NMNAT3: variants seen among roughly 807,000 people sequenced by gnomAD.
NMNAT3 encodes nicotinamide nucleotide adenylyltransferase 3.
NMNAT3 carries 21 observed loss-of-function variants against 24.8 expected under a neutral mutation model. The observed-to-expected ratio is 0.85, with a 90% CI of 0.60 to 1.22. NMNAT3 has a LOEUF of 1.22. Among genes scored for constraint, NMNAT3 ranks in the 50% most tolerant of loss-of-function variants. The probability of loss-of-function intolerance (pLI) is 0.00; values close to 1 mark genes in which losing one functional copy is unlikely to be tolerated. For missense variants in NMNAT3, 387 were observed against 436.6 expected (o/e 0.89, Z 1.01); for synonymous variants, 136 against 155.2 (o/e 0.88, Z 0.92).
intron 1 of NMNAT3, among the ~76,000 whole-genome samples, chr3:139,668,613 T>C (rs535815955): frequency 6.6e-6 from 1 of 152,324 alleles, no homozygotes; most frequent in Admixed American, 6.5e-5. Flanking sequence ...TAAAAAATGT[T>C]TTTTGGAAGG....
intron 3 of NMNAT3, among the ~76,000 whole-genome samples, chr3:139,614,982 T>C (rs944718991): frequency 5.9e-5 from 9 of 152,222 alleles, no homozygotes; most frequent in African/African-American, 2.2e-4. Flanking sequence ...GCCTTCCCCT[T>C]TTTTGCATTT....
At chr3:139,584,272 C>T (rs539619634) in intron 3 of NMNAT3, 61 of 154,970 alleles carry the variant, frequency 3.9e-4, no homozygotes, top group African/African-American at 1.9e-4. Flanking sequence ...GACTGAAGAC[C>T]GGTCCTCCTC....
intron 3 of NMNAT3, among the ~76,000 whole-genome samples, chr3:139,589,751 C>T (rs556948827): frequency 1.3e-5 from 2 of 152,270 alleles, no homozygotes; most frequent in South Asian, 4.1e-4. Flanking sequence ...TCCCATAGCT[C>T]ACAACATGAA....
chr3:139,651,024 T>G (rs1000603301), intron 1 of NMNAT3, among the ~76,000 whole-genome samples: 5 of 152,218 alleles, frequency 3.3e-5, no homozygotes, highest in African/African-American at 1.2e-4. Context: ...CTTTGATACC[T>G]CAGAAGTGAT....
intron 3 of NMNAT3, among the ~76,000 whole-genome samples, chr3:139,621,058 C>T (rs79296892): frequency 0.022 from 3,276 of 152,236 alleles, 109 homozygotes; most frequent in African/African-American, 0.072. Context: ...GTTGAGATTA[C>T]AGGCATGAGC....
At chr3:139,622,810 T>TGATATATATGATATATATAA (rs2055857571) in intron 3 of NMNAT3, among the ~76,000 whole-genome samples, 1 of 141,180 alleles carries the variant, frequency 7.1e-6, no homozygotes, top group Non-Finnish European at 1.5e-5. Flanking sequence ...GATATATATA[T>TGATATATATGATATATATAA]AAAATGTATA....
In NMNAT3 at chr3:139,646,392, GT is replaced by G. The variant is rs574394943; in HGVS notation, c.-140-8331del. On this transcript the variant is annotated intron_variant, in intron 1 of 6. Coordinates refer to ENST00000643695, the MANE Select transcript of NMNAT3 (RefSeq NM_001320510.2). Reference sequence around the variant, plus strand: ...AAACTTTAGCCATTCACATTCAATAGTTTTTTATAAGACAGTCTGTGGCAGA... The same window carrying G: ...AAACTTTAGCCATTCACATTCAATAGTTTTTATAAGACAGTCTGTGGCAGA... Among the ~76,000 whole-genome samples the G allele has an allele frequency of 2.3e-3, 346 of 152,284 alleles. 2 individuals are homozygous for G. The highest frequency in any genetic ancestry group is 8.0e-3 in the African/African-American group (332 of 41,572).
intron 3 of NMNAT3, among the ~76,000 whole-genome samples, chr3:139,601,334 A>G (rs1263055385): frequency 6.6e-6 from 1 of 152,160 alleles, no homozygotes; most frequent in Non-Finnish European, 1.5e-5. Flanking sequence ...GCTACTTATG[A>G]GCTGTGTGAC....
intron 3 of NMNAT3, among the ~76,000 whole-genome samples, chr3:139,596,190 C>T (rs1050859798): frequency 1.3e-5 from 2 of 152,040 alleles, no homozygotes; most frequent in Non-Finnish European, 2.9e-5. Flanking sequence ...GCTGGGTGGC[C>T]CTGTCAGAGC....
intron 3 of NMNAT3, among the ~76,000 whole-genome samples, chr3:139,619,272 CAT>C (rs1369053083): frequency 1.3e-5 from 2 of 152,140 alleles, no homozygotes; most frequent in African/African-American, 4.8e-5. Flanking sequence ...ACAACACTAA[CAT>C]AGGTAGAAGA....
At chr3:139,570,416 A>G (rs903240137) in intron 6 of NMNAT3, 3 of 152,148 alleles carry the variant, frequency 2.0e-5, no homozygotes, top group Admixed American at 1.3e-4. Flanking sequence ...GAGGAGAGGC[A>G]CTCTGATTTT....
At chr3:139,566,238 G>C (rs1937184265) in intron 6 of NMNAT3, 1 of 151,822 alleles carries the variant, frequency 6.6e-6, no homozygotes, top group Admixed American at 6.6e-5. Flanking sequence ...ATTTGTTTGA[G>C]TTCATTGTAG....
chr3:139,570,358 C>G (rs1014793022), intron 6 of NMNAT3: 1 of 152,274 alleles, frequency 6.6e-6, no homozygotes, highest in Admixed American at 6.5e-5. Flanking sequence ...AAGTCATTCT[C>G]TGTCCAACTT....
chr3:139,645,334 G>C (rs2056835807), intron 1 of NMNAT3, among the ~76,000 whole-genome samples: 1 of 152,168 alleles, frequency 6.6e-6, no homozygotes, highest in African/African-American at 2.4e-5. Context: ...ATGAATGAGA[G>C]GCACAGATTT....
intron 1 of NMNAT3, among the ~76,000 whole-genome samples, chr3:139,652,282 A>C (rs1429544064): frequency 6.6e-6 from 1 of 152,214 alleles, no homozygotes; most frequent in East Asian, 1.9e-4. Context: ...GGGGACTCAG[A>C]AGTGAGGTTA....
chr3:139,578,806 C>A, intron 5 of NMNAT3, 66 bp downstream of exon 5: 1 of 1,428,842 alleles, frequency 7.0e-7, no homozygotes, highest in Non-Finnish European at 9.5e-7. Context: ...CTACCTTTTA[C>A]CCTGTAAGCT....
At chr3:139,643,190 T>C (rs2056764015) in intron 1 of NMNAT3, among the ~76,000 whole-genome samples, 1 of 152,202 alleles carries the variant, frequency 6.6e-6, no homozygotes, top group Non-Finnish European at 1.5e-5. Flanking sequence ...TTAGAATGAC[T>C]GTTAACTGAA....
intron 3 of NMNAT3, among the ~76,000 whole-genome samples, chr3:139,615,470 CCCACCCAT>C (rs1275760249): frequency 1.4e-5 from 2 of 146,538 alleles, no homozygotes; most frequent in Non-Finnish European, 3.0e-5. Context: ...TATCCATCCA[CCCACCCAT>C]CCATCCATTT....
chr3:139,649,337 A>C (rs2108382450), intron 1 of NMNAT3, among the ~76,000 whole-genome samples: 1 of 151,778 alleles, frequency 6.6e-6, no homozygotes, highest in African/African-American at 2.4e-5. Context: ...AAACAAACAA[A>C]CAAACAAACA....
Sources: allele counts gnomAD v4.1 joint callset (sites outside exome capture counted in the v4.1 genomes callset), GRCh38; gene constraint gnomAD v4.1.1; transcripts MANE v1.5; gene names NCBI Gene and HGNC (gene_info 2026-07-23, HGNC 2026-07-21).